The following MAPK11 variants were observed in gnomAD, a reference collection of about 807,000 sequenced individuals.
The protein encoded by MAPK11 is mitogen-activated protein kinase 11.
MAPK11 carries 44 observed loss-of-function variants against 52.2 expected under a neutral mutation model. The observed-to-expected ratio is 0.84, with a 90% CI of 0.66 to 1.08. The LOEUF is 1.08. MAPK11 is among the 50% of genes least tolerant of loss of function. MAPK11 has a pLI of 0.00. For missense variants in MAPK11, 436 were observed against 494.7 expected, an observed-to-expected ratio of 0.88 and a Z score of 1.13; for synonymous variants, 233 against 206.3, an observed-to-expected ratio of 1.13 and a Z score of -1.11.
rs1220557167 is a variant in MAPK11, at chr22:50,265,384, G to T, written c.952C>A (p.Pro318Thr). 6.2e-7 allele frequency: 1 copy of T among 1,613,112 alleles called. No homozygotes were observed. Among genetic ancestry groups the T allele is most frequent in the Middle Eastern group, 1.6e-4 (1 of 6,062 alleles). Residue 318 changes from proline to threonine, a missense_variant, in exon 11 of 12, where the codon CCA (proline) becomes ACA (threonine). Transcript: ENST00000330651. ...FSQYHDPEDEPEAEPYDESVE... is the reference protein window; with the variant it reads ...FSQYHDPEDETEAEPYDESVE... ...CTCTCATCATATGGCTCGGCCTCTG[G>T]CTCATCCTCGGGGTCGTGGTACTGG...
At chr22:50,265,798 C>A in intron 9 of MAPK11, 138 bp from the exon 10 acceptor site, 1 of 624,490 alleles carries the variant, frequency 1.6e-6, no homozygotes, top group South Asian at 2.0e-5. Context: ...CCAGTGACCC[C>A]CTCCATATAG....
chr22:50,269,193 TGTGCTGGC>T (rs898429127), intron 1 of MAPK11, among the ~76,000 whole-genome samples: 1 of 152,148 alleles, frequency 6.6e-6, no homozygotes, highest in African/African-American at 2.4e-5. Context: ...AAGACAGATC[TGTGCTGGC>T]ATGATGGCTA....
Sources: allele counts gnomAD v4.1 joint callset (sites outside exome capture counted in the v4.1 genomes callset), GRCh38; gene constraint gnomAD v4.1.1; transcripts MANE v1.5; gene names NCBI Gene and HGNC (gene_info 2026-07-23, HGNC 2026-07-21).